OTOGL: variants seen among roughly 807,000 people sequenced by gnomAD.
OTOGL encodes the protein otogelin like, also known as otogelin-like protein.
In OTOGL, 285 loss-of-function variants were observed where a neutral mutation model predicts 318.5. That is an observed-to-expected ratio of 0.89 (90% confidence interval 0.81 to 0.99). The LOEUF is 0.99. OTOGL is among the 50% of genes least tolerant of loss of function. OTOGL has a pLI of 0.00. For missense variants in OTOGL, 2,899 were observed against 2,845.6 expected (o/e 1.02, Z -0.43); for synonymous variants, 987 against 936.5 (o/e 1.05, Z -0.99).
intron 57 of OTOGL, among the ~76,000 whole-genome samples, chr12:80,372,879 G>A (rs1890968448): frequency 6.6e-6 from 1 of 151,890 alleles, no homozygotes; most frequent in Non-Finnish European, 1.5e-5. Context: ...AGTAGAGATG[G>A]GGTTTCAGTG....
chr12:80,155,596 A>G (rs1325829239), intron 1 of OTOGL, among the ~76,000 whole-genome samples: 2 of 152,202 alleles, frequency 1.3e-5, no homozygotes, highest in Admixed American at 1.3e-4. Context: ...ATCCCCTCAA[A>G]CACTTATCCT....
intron 1 of OTOGL, among the ~76,000 whole-genome samples, chr12:80,162,457 C>G (rs1592508254): frequency 6.6e-6 from 1 of 152,010 alleles, no homozygotes; most frequent in African/African-American, 2.4e-5. Flanking sequence ...CTAGGGCTGC[C>G]TTAAGAAAAT....
intron 24 of OTOGL, among the ~76,000 whole-genome samples, chr12:80,272,041 AT>A (rs1164244230): frequency 1.3e-5 from 2 of 152,130 alleles, no homozygotes; most frequent in Non-Finnish European, 2.9e-5. Context: ...TGAAGCTGGA[AT>A]TTCTCCCCTG....
At chr12:80,152,162 C>A (rs1872826214) in intron 1 of OTOGL, among the ~76,000 whole-genome samples, 1 of 151,908 alleles carries the variant, frequency 6.6e-6, no homozygotes, top group Non-Finnish European at 1.5e-5. Flanking sequence ...GTCACATGAG[C>A]ATGTTAGGCT....
At chr12:80,308,037 G>A (rs1444168392) in intron 29 of OTOGL, among the ~76,000 whole-genome samples, 37 of 141,374 alleles carry the variant, frequency 2.6e-4, no homozygotes, top group East Asian at 1.1e-3. Flanking sequence ...GCGGCTGGCC[G>A]CGCGGGGGGC....
intron 26 of OTOGL, among the ~76,000 whole-genome samples, chr12:80,291,803 C>T (rs1592665595): frequency 6.6e-6 from 1 of 152,082 alleles, no homozygotes; most frequent in East Asian, 1.9e-4. Flanking sequence ...ATGCAAATAG[C>T]TATATTGCCA....
Position 80,305,686 on chromosome 12 carries a change from A to G in OTOGL, c.3324A>G (p.Ala1108=), listed in dbSNP as rs1423264374. ...RNARVFGDSW[A]LGQCESPDET... Reference sequence around the variant, plus strand: ...CTCGGGTATTTGGAGATAGTTGGGCATTAGGACAGGTAAGTTACATAAATG... The same window carrying G: ...CTCGGGTATTTGGAGATAGTTGGGCGTTAGGACAGGTAAGTTACATAAATG... Residue 1108 remains alanine, a synonymous_variant, in exon 29 of 59, where the codon GCA becomes GCG. Transcript: ENST00000547103. 3.2e-6 allele frequency: 5 copies of G among 1,555,994 alleles called. No individual in the cohort carries two copies. Among genetic ancestry groups the G allele is most frequent in the South Asian group, 1.2e-5 (1 of 81,228 alleles).
intron 1 of OTOGL, among the ~76,000 whole-genome samples, chr12:80,153,714 C>G (rs1565881074): frequency 6.6e-6 from 1 of 152,186 alleles, no homozygotes; most frequent in Non-Finnish European, 1.5e-5. Flanking sequence ...TGCATCCCTC[C>G]TCTATACCCC....
chr12:80,210,889 G>T lies in OTOGL; in HGVS notation c.119+3G>T. The T allele has an allele frequency of 6.8e-7, 1 of 1,477,842 alleles. No individual in the cohort carries two copies. The highest frequency in any genetic ancestry group is 1.3e-5 in the South Asian group (1 of 76,838). 91.5% of individuals were successfully genotyped at this position (1,477,842 alleles called of 1,614,324 possible). A position where few individuals can be genotyped will look rare whatever the true frequency, so the allele number is the denominator to read the frequency against. Reference sequence around the variant, plus strand: ...TCTATATTGATGGGAACATCAAAGTGAGTATTTCTTGTTCTTCGTGTCCTC... The same window carrying T: ...TCTATATTGATGGGAACATCAAAGTTAGTATTTCTTGTTCTTCGTGTCCTC... On this transcript the variant is annotated splice_donor_region_variant and intron_variant, in intron 3 of 58. Coordinates refer to ENST00000547103, the MANE Select transcript of OTOGL (RefSeq NM_001378609.3).
At chr12:80,237,651 G>T (rs993496242) in intron 9 of OTOGL, among the ~76,000 whole-genome samples, 4 of 152,170 alleles carry the variant, frequency 2.6e-5, no homozygotes, top group Admixed American at 2.6e-4. Context: ...CGGGTTGGGA[G>T]TAAGGGGAGA....
chr12:80,273,297 CT>C (rs1883549395), intron 24 of OTOGL, among the ~76,000 whole-genome samples: 4 of 152,022 alleles, frequency 2.6e-5, no homozygotes, highest in African/African-American at 9.7e-5. Flanking sequence ...TCTATGTGAC[CT>C]TGTCTGGCTC....
intron 24 of OTOGL, 114 bp downstream of exon 24, chr12:80,271,924 TG>T (rs1187099848): frequency 8.1e-7 from 1 of 1,232,024 alleles, no homozygotes; most frequent in Non-Finnish European, 1.1e-6. Flanking sequence ...AGTGGTTAAC[TG>T]GGTTGGTAGC....
intron 18 of OTOGL, among the ~76,000 whole-genome samples, chr12:80,260,366 A>G (rs1260101943): frequency 6.6e-6 from 1 of 152,138 alleles, no homozygotes; most frequent in Non-Finnish European, 1.5e-5. Flanking sequence ...CAGAAAAGAC[A>G]TTAATCCTGT....
intron 27 of OTOGL, among the ~76,000 whole-genome samples, chr12:80,301,930 G>A (rs1378378295): frequency 6.6e-6 from 1 of 152,198 alleles, no homozygotes; most frequent in Non-Finnish European, 1.5e-5. Flanking sequence ...TGTCAGTTTT[G>A]CAGTTTAATG....
At chr12:80,327,699 C>A (rs978839162) in intron 35 of OTOGL, among the ~76,000 whole-genome samples, 1 of 151,372 alleles carries the variant, frequency 6.6e-6, no homozygotes, top group African/African-American at 2.4e-5. Flanking sequence ...GTGGTTCACG[C>A]CTGTAATCCC....
intron 24 of OTOGL, among the ~76,000 whole-genome samples, chr12:80,273,415 G>A (rs1167487594): frequency 6.6e-6 from 1 of 151,988 alleles, no homozygotes; most frequent in Non-Finnish European, 1.5e-5. Context: ...AAATCACTGT[G>A]GATTGAAGAA....
chr12:80,351,139 A>G (rs1445115549), intron 44 of OTOGL, among the ~76,000 whole-genome samples: 1 of 152,156 alleles, frequency 6.6e-6, no homozygotes, highest in East Asian at 1.9e-4. Context: ...CAGTTTTCTC[A>G]GCACTATTTA....
rs1376744656 is a variant in OTOGL at position 80,323,704 on chromosome 12, A to G, written c.4082-19A>G. On this transcript the variant is annotated intron_variant, in intron 34 of 58. Transcript: ENST00000547103. ...TATGTATTAAATATGCACACAATCT[A>G]AACTTTATTTTTTCCCAGAAATCCA... 1 of 1,572,790 alleles carries G rather than the reference A, an allele frequency of 6.4e-7. No individual in the cohort carries two copies. Among genetic ancestry groups the G allele is most frequent in the African/African-American group, 1.3e-5 (1 of 74,100 alleles).
At chr12:80,198,851 C>T (rs1383053243) in intron 1 of OTOGL, among the ~76,000 whole-genome samples, 3 of 152,136 alleles carry the variant, frequency 2.0e-5, no homozygotes, top group Non-Finnish European at 4.4e-5. Context: ...TTCTCAATTC[C>T]ATACCTTCCA....
Sources: gnomAD v4.1 joint callset for allele counts (sites outside exome capture counted in the v4.1 genomes callset) on GRCh38, gnomAD v4.1.1 for gene constraint, MANE v1.5 for transcripts, NCBI Gene and HGNC (gene_info 2026-07-23, HGNC 2026-07-21) for gene names.